REPS1: variants seen among roughly 807,000 people sequenced by gnomAD.
REPS1 encodes RALBP1 associated Eps domain containing 1.
In REPS1, 39 loss-of-function variants were observed where a neutral mutation model predicts 100.9. The observed-to-expected ratio is 0.39, with a 90% CI of 0.30 to 0.50. The LOEUF is 0.50. Among genes scored for constraint, REPS1 ranks in the 20% least tolerant of loss-of-function variants. The pLI, the probability that REPS1 is intolerant of heterozygous loss-of-function variation, is 0.86. For missense variants in REPS1, 821 were observed against 968.5 expected, an observed-to-expected ratio of 0.85 and a Z score of 2.02; for synonymous variants, 324 against 340.3, an observed-to-expected ratio of 0.95 and a Z score of 0.53.
chr6:138,951,915 A>T (rs920020927), intron 1 of REPS1, among the ~76,000 whole-genome samples: 4 of 152,168 alleles, frequency 2.6e-5, no homozygotes, highest in Admixed American at 1.3e-4. Flanking sequence ...GCATATTTGT[A>T]TGCAGTTCAC....
At chr6:138,907,433 C>T in intron 19 of REPS1, 62 bp downstream of exon 19, 3 of 1,163,860 alleles carry the variant, frequency 2.6e-6, no homozygotes, top group African/African-American at 1.5e-5. Flanking sequence ...AGGTCACATT[C>T]CTTCTCTTTA....
chr6:138,926,529 T>G, intron 9 of REPS1, 48 bp from the exon 10 acceptor site: 1 of 1,312,880 alleles, frequency 7.6e-7, no homozygotes, highest in Non-Finnish European at 1.1e-6. Context: ...AAAGATGGAG[T>G]AAAAGATCAC....
intron 1 of REPS1, among the ~76,000 whole-genome samples, chr6:138,961,208 T>A (rs1240519324): frequency 6.6e-6 from 1 of 152,210 alleles, no homozygotes; most frequent in African/African-American, 2.4e-5. Context: ...AAAAGATGTA[T>A]GCTTAGGGTC....
chr6:138,908,119 A>G (rs1180037925), intron 18 of REPS1, among the ~76,000 whole-genome samples: 1 of 152,188 alleles, frequency 6.6e-6, no homozygotes, highest in African/African-American at 2.4e-5. Flanking sequence ...CAGTTTTACT[A>G]TAAACTATCA....
chr6:138,916,211 T>G, intron 13 of REPS1: 1 of 343,292 alleles, frequency 2.9e-6, no homozygotes, highest in South Asian at 3.3e-5. Context: ...GCAAAATTTC[T>G]TTTTTTCTTT....
In REPS1 at chr6:138,914,828, C is replaced by T. The variant is rs369522209; in HGVS notation, c.1721-67G>A. On this transcript the variant is annotated intron_variant, in intron 14 of 19. Coordinates refer to ENST00000450536, the MANE Select transcript of REPS1 (RefSeq NM_001286611.2). ...TCACTTTGTTAATAGAAGAAATAGG[C>T]TGAATGAATGTGACTACATGATAAA... 3.9e-6 allele frequency: 5 copies of T among 1,283,910 alleles called. No homozygotes were observed. The African/African-American group carries it at 7.4e-5, about 19-fold the overall frequency. 79.5% of individuals were successfully genotyped at this position (1,283,910 alleles called of 1,614,324 possible).
chr6:138,920,020 C>T (rs1243899344), intron 12 of REPS1, among the ~76,000 whole-genome samples, 195 bp downstream of exon 12: 4 of 152,104 alleles, frequency 2.6e-5, no homozygotes, highest in African/African-American at 9.7e-5. Context: ...AGAGGGATGG[C>T]AAACAGGAAG....
intron 1 of REPS1, among the ~76,000 whole-genome samples, chr6:138,966,980 T>C (rs1784060113): frequency 6.6e-6 from 1 of 152,214 alleles, no homozygotes; most frequent in Non-Finnish European, 1.5e-5. Flanking sequence ...TAATCTCCAA[T>C]ACAACAACAG....
At chr6:138,970,457 T>TTA (rs1784281471) in intron 1 of REPS1, among the ~76,000 whole-genome samples, 1 of 141,392 alleles carries the variant, frequency 7.1e-6, no homozygotes, top group Non-Finnish European at 1.5e-5. Context: ...AAGAATATCT[T>TTA]AAAAAAAAAA....
At chr6:138,961,654 C>T (rs1453687523) in intron 1 of REPS1, among the ~76,000 whole-genome samples, 4 of 152,066 alleles carry the variant, frequency 2.6e-5, no homozygotes, top group Admixed American at 6.6e-5. Context: ...CAAGTGTCAG[C>T]GCAGTAAAAA....
At chr6:138,944,424 A>G in intron 5 of REPS1, 74 bp downstream of exon 5, 1 of 1,510,872 alleles carries the variant, frequency 6.6e-7, no homozygotes, top group South Asian at 1.3e-5. Context: ...TGCAACAGCA[A>G]AATATAAAAA....
intron 8 of REPS1, among the ~76,000 whole-genome samples, chr6:138,932,770 G>T (rs1781566600): frequency 6.6e-6 from 1 of 152,122 alleles, no homozygotes; most frequent in Admixed American, 6.6e-5. Flanking sequence ...GTATCGCGCG[G>T]GCATTTTTTC....
intron 8 of REPS1, among the ~76,000 whole-genome samples, chr6:138,936,120 C>A (rs1021695100): frequency 7.2e-5 from 11 of 152,018 alleles, no homozygotes; most frequent in Non-Finnish European, 2.9e-5. Context: ...GGAAAAAGGT[C>A]ACTTCTACAA....
chr6:138,969,934 G>A (rs1422763815), intron 1 of REPS1, among the ~76,000 whole-genome samples: 9 of 131,344 alleles, frequency 6.9e-5, no homozygotes, highest in Non-Finnish European at 1.1e-4. Context: ...TTTTTGGTCA[G>A]TCAAAACAAG....
At chr6:138,959,264 A>G (rs1446934612) in intron 1 of REPS1, among the ~76,000 whole-genome samples, 3 of 152,202 alleles carry the variant, frequency 2.0e-5, no homozygotes, top group Non-Finnish European at 4.4e-5. Context: ...CGCTAAGAAC[A>G]ATAAAGGTAC....
At chr6:138,985,015 CTCAAAG>C (rs907929335) in intron 1 of REPS1, among the ~76,000 whole-genome samples, 3 of 152,204 alleles carry the variant, frequency 2.0e-5, no homozygotes, top group African/African-American at 7.2e-5. Flanking sequence ...CTTTCTGCCA[CTCAAAG>C]TCAAAAACTT....
chr6:138,969,511 ACTCCTGGG>A (rs1351101094), intron 1 of REPS1, among the ~76,000 whole-genome samples: 1 of 148,376 alleles, frequency 6.7e-6, no homozygotes, highest in Non-Finnish European at 1.5e-5. Context: ...CTGGTCTCAA[ACTCCTGGG>A]CTCAAGTGAT....
chr6:138,932,751 C>T (rs1036342598), intron 8 of REPS1, among the ~76,000 whole-genome samples: 8 of 152,142 alleles, frequency 5.3e-5, no homozygotes, highest in Non-Finnish European at 7.3e-5. Flanking sequence ...TATAATAATT[C>T]GGACTTGGGT....
chr6:138,909,956 A>C (rs1779899812), intron 17 of REPS1, among the ~76,000 whole-genome samples: 1 of 152,204 alleles, frequency 6.6e-6, no homozygotes, highest in African/African-American at 2.4e-5. Flanking sequence ...AGAAAAAAAA[A>C]GTTACCAAAA....
Sources: gnomAD v4.1 joint callset for allele counts (sites outside exome capture counted in the v4.1 genomes callset) on GRCh38, gnomAD v4.1.1 for gene constraint, MANE v1.5 for transcripts, NCBI Gene and HGNC (gene_info 2026-07-23, HGNC 2026-07-21) for gene names.